The following AGBL4 variants were observed in gnomAD, a reference collection of about 807,000 sequenced individuals.
AGBL4 encodes cytosolic carboxypeptidase 6.
Under a neutral mutation model 66.4 loss-of-function variants are expected in AGBL4, and 58 were observed. The observed-to-expected ratio is 0.87, with a 90% CI of 0.71 to 1.09. The LOEUF is 1.09. Ranked by LOEUF, AGBL4 falls within the 50% of genes least tolerant of loss-of-function variation. The pLI is 0.00. For synonymous variants in AGBL4, 234 were observed against 222.9 expected, an observed-to-expected ratio of 1.05 and a Z score of -0.44; for missense variants, 579 against 631.0, an observed-to-expected ratio of 0.92 and a Z score of 0.88.
intron 3 of AGBL4, among the ~76,000 whole-genome samples, chr1:49,497,963 G>T (rs189166828): frequency 6.6e-6 from 1 of 152,024 alleles, no homozygotes; most frequent in Admixed American, 6.6e-5. Context: ...TTCATCTGGG[G>T]TAATATGGAC....
chr1:49,632,766 G>A (rs1571214277), intron 3 of AGBL4, among the ~76,000 whole-genome samples: 1 of 152,116 alleles, frequency 6.6e-6, no homozygotes, highest in Non-Finnish European at 1.5e-5. Flanking sequence ...TCCTCTATGG[G>A]TGAGCAAACA....
chr1:49,543,612 C>T (rs1051588469), intron 3 of AGBL4, among the ~76,000 whole-genome samples: 3 of 152,026 alleles, frequency 2.0e-5, no homozygotes, highest in South Asian at 2.1e-4. Flanking sequence ...GTATTTTTCT[C>T]GTAATGGGTT....
Position 48,773,331 on chromosome 1 carries a change from T to G in AGBL4, c.634+93860A>C, listed in dbSNP as rs1431876722. ...GATGATGGTGAGCTCTCCAAATGAGTAGTTCTCACTTTCACAACCTGCTTG... is the reference window on the plus strand; with the variant it reads ...GATGATGGTGAGCTCTCCAAATGAGGAGTTCTCACTTTCACAACCTGCTTG... On this transcript the variant is annotated intron_variant, in intron 6 of 13. Transcript: ENST00000371839. Among the ~76,000 whole-genome samples the G allele has an allele frequency of 2.0e-5, 3 of 151,648 alleles. No homozygotes were observed. In the South Asian group the frequency reaches 6.2e-4, roughly 32 times the overall value.
intron 2 of AGBL4, among the ~76,000 whole-genome samples, chr1:49,784,306 A>C (rs1258818171): frequency 2.6e-5 from 4 of 152,146 alleles, no homozygotes; most frequent in Non-Finnish European, 5.9e-5. Context: ...AATAGAACTG[A>C]GAGTCCAGAA....
chr1:49,099,592 CATT>C (rs1645165010), intron 4 of AGBL4, among the ~76,000 whole-genome samples: 1 of 152,120 alleles, frequency 6.6e-6, no homozygotes, highest in Admixed American at 6.5e-5. Context: ...GCCATGGAAA[CATT>C]ATAATCCAAG....
In AGBL4 at chr1:48,655,931, T is replaced by A. The variant is rs564423455; in HGVS notation, c.725-2480A>T. On this transcript the variant is annotated intron_variant, in intron 7 of 13. Transcript: ENST00000371839. ...ACTTCCTACACTGACATTGTATGAT[T>A]CCATCTATTTTATTCCTCTCCGCCA... Among the ~76,000 whole-genome samples, 3 of 152,350 alleles carry A rather than the reference T, an allele frequency of 2.0e-5. No homozygotes were observed. The South Asian group carries it at 6.2e-4, about 32-fold the overall frequency.
chr1:49,942,227 C>T (rs551025094), intron 1 of AGBL4, among the ~76,000 whole-genome samples: 26 of 151,854 alleles, frequency 1.7e-4, no homozygotes, highest in South Asian at 6.3e-4. Flanking sequence ...GTCGATAGAC[C>T]GGGAAAATTA....
chr1:49,675,649 A>G (rs1646564182), intron 3 of AGBL4, among the ~76,000 whole-genome samples: 1 of 152,112 alleles, frequency 6.6e-6, no homozygotes, highest in Non-Finnish European at 1.5e-5. Context: ...CAAAAGGCTC[A>G]GAAAAGCCAT....
At chr1:49,356,763 G>C (rs2148528594) in intron 3 of AGBL4, among the ~76,000 whole-genome samples, 1 of 152,274 alleles carries the variant, frequency 6.6e-6, no homozygotes, top group Non-Finnish European at 1.5e-5. Flanking sequence ...TCTCAATGTA[G>C]GCAAAGTGGG....
intron 4 of AGBL4, among the ~76,000 whole-genome samples, chr1:49,112,533 C>A (rs1645433323): frequency 6.6e-6 from 1 of 152,312 alleles, no homozygotes; most frequent in South Asian, 2.1e-4. Flanking sequence ...TACTGTTTGA[C>A]AGCATTTTAC....
chr1:49,681,070 C>T (rs1646683831), intron 3 of AGBL4, among the ~76,000 whole-genome samples: 1 of 151,896 alleles, frequency 6.6e-6, no homozygotes, highest in South Asian at 2.1e-4. Flanking sequence ...CGTGGTTGTT[C>T]TTTGTATCTT....
At chr1:49,000,551 G>C (rs538317647) in intron 5 of AGBL4, among the ~76,000 whole-genome samples, 1 of 152,266 alleles carries the variant, frequency 6.6e-6, no homozygotes, top group African/African-American at 2.4e-5. Context: ...TAGAAAAGTT[G>C]ATCTTGGTCT....
At chr1:49,659,897 C>T (rs956294551) in intron 3 of AGBL4, among the ~76,000 whole-genome samples, 3 of 152,028 alleles carry the variant, frequency 2.0e-5, no homozygotes, top group Non-Finnish European at 4.4e-5. Context: ...TGCAAGGCTA[C>T]AGTAACCGAA....
chr1:48,862,114 C>G (rs1411575851), intron 6 of AGBL4, among the ~76,000 whole-genome samples: 1 of 152,142 alleles, frequency 6.6e-6, no homozygotes, highest in Non-Finnish European at 1.5e-5. Context: ...ATTCATAACT[C>G]AAAGTCCCAC....
intron 4 of AGBL4, among the ~76,000 whole-genome samples, chr1:49,153,298 G>A (rs937128425): frequency 4.6e-5 from 7 of 152,084 alleles, no homozygotes; most frequent in Non-Finnish European, 8.8e-5. Flanking sequence ...GAGGAGAGGT[G>A]AAGGTAAGGT....
intron 2 of AGBL4, among the ~76,000 whole-genome samples, chr1:49,755,500 A>C (rs1463185839): frequency 6.6e-6 from 1 of 152,162 alleles, no homozygotes; most frequent in Non-Finnish European, 1.5e-5. Context: ...AATCTTACAA[A>C]ATACTAAACT....
At chr1:49,405,981 T>A (rs1035802211) in intron 3 of AGBL4, among the ~76,000 whole-genome samples, 3 of 152,190 alleles carry the variant, frequency 2.0e-5, no homozygotes, top group Non-Finnish European at 4.4e-5. Context: ...AGCAAAGCCA[T>A]TAGCTGTATA....
chr1:48,567,547 T>C (rs1644496065), intron 11 of AGBL4, among the ~76,000 whole-genome samples: 2 of 152,218 alleles, frequency 1.3e-5, no homozygotes, highest in Admixed American at 6.5e-5. Flanking sequence ...CTGCAGTCAA[T>C]TGGGTCCTGA....
At chr1:48,855,723 A>G (rs1016136418) in intron 6 of AGBL4, among the ~76,000 whole-genome samples, 5 of 152,158 alleles carry the variant, frequency 3.3e-5, no homozygotes, top group African/African-American at 4.8e-5. Context: ...CAAAACATCT[A>G]GAAATAACAT....
Sources: gnomAD v4.1 joint callset for allele counts (sites outside exome capture counted in the v4.1 genomes callset) on GRCh38, gnomAD v4.1.1 for gene constraint, MANE v1.5 for transcripts, NCBI Gene and HGNC (gene_info 2026-07-23, HGNC 2026-07-21) for gene names.